Variants in ASB3 observed in about 807,000 individuals in gnomAD.
The protein encoded by ASB3 is ankyrin repeat and SOCS box containing 3.
Under a neutral mutation model 54.5 loss-of-function variants are expected in ASB3, and 41 were observed. The observed-to-expected ratio is 0.75, with a 90% CI of 0.59 to 0.98. ASB3 has a LOEUF of 0.98. ASB3 is among the 50% of genes least tolerant of loss of function. ASB3 has a pLI of 0.00. For missense variants in ASB3, 733 were observed against 620.0 expected (o/e 1.18, Z -1.94); for synonymous variants, 266 against 221.2 (o/e 1.20, Z -1.80).
intron 5 of ASB3, among the ~76,000 whole-genome samples, chr2:53,717,503 A>G (rs911727484): frequency 6.6e-6 from 1 of 152,184 alleles, no homozygotes; most frequent in Non-Finnish European, 1.5e-5. Flanking sequence ...AAAGGGAAAA[A>G]CAATAATATT....
In ASB3 at chr2:53,774,240, A is replaced by G. The variant is rs138719259; in HGVS notation, c.-13-8655T>C. ...GAGAAAAAGGAGGCTACAGAACCAC[A>G]ACAGTCATTTTTTATCCAAAAGATC... is the stretch of plus-strand genomic sequence containing the variant. On this transcript the variant is annotated intron_variant, in intron 1 of 9. Transcript: ENST00000263634. 4 of 1,614,040 alleles carry G rather than the reference A, an allele frequency of 2.5e-6. No homozygotes were observed. The African/African-American group carries it at 5.3e-5, about 22-fold the overall frequency.
In ASB3 at chr2:53,679,285, T is replaced by C. The variant is rs367916788; in HGVS notation, c.1370-8595A>G. On this transcript the variant is annotated intron_variant, in intron 9 of 9. Coordinates refer to ENST00000263634, the MANE Select transcript of ASB3 (RefSeq NM_016115.5). ...CCTGCAGGGTTTTGCTCTGCAAATCTTTCAATGGTTCTCAATTGGTTTCCC... is the reference window on the plus strand; with the variant it reads ...CCTGCAGGGTTTTGCTCTGCAAATCCTTCAATGGTTCTCAATTGGTTTCCC... Among the ~76,000 whole-genome samples the C allele has an allele frequency of 4.6e-5, 7 of 152,330 alleles. No individual in the cohort carries two copies. The East Asian group carries it at 9.6e-4, about 21-fold the overall frequency.
intron 1 of ASB3, chr2:53,774,491 G>C: frequency 6.4e-7 from 1 of 1,569,130 alleles, no homozygotes. Context: ...GTAAAGGAAC[G>C]TTTAGAAGGG....
At chr2:53,697,009 G>T (rs985605927) in intron 8 of ASB3, among the ~76,000 whole-genome samples, 6 of 152,310 alleles carry the variant, frequency 3.9e-5, no homozygotes, top group African/African-American at 1.4e-4. Flanking sequence ...GTCACAGGAT[G>T]AGACAGGAGG....
intron 7 of ASB3, among the ~76,000 whole-genome samples, chr2:53,711,657 C>T (rs1670103922): frequency 6.6e-6 from 1 of 152,028 alleles, no homozygotes; most frequent in Non-Finnish European, 1.5e-5. Context: ...GCCTACAATC[C>T]CAGCTACTTG....
chr2:53,699,279 A>T (rs550692545), intron 8 of ASB3, among the ~76,000 whole-genome samples: 58 of 152,346 alleles, frequency 3.8e-4, no homozygotes, highest in African/African-American at 1.3e-3. Context: ...TCCAAATATC[A>T]TCAACAAATG....
intron 2 of ASB3, among the ~76,000 whole-genome samples, chr2:53,753,722 C>A (rs1389618303): frequency 4.6e-5 from 7 of 151,706 alleles, no homozygotes; most frequent in Admixed American, 1.3e-4. Context: ...CTGCAACCTC[C>A]ACCTCCCAGG....
In ASB3 at chr2:53,765,548, C is replaced by T; in HGVS notation, c.25G>A (p.Asp9Asn). 1 of 1,614,186 alleles carries T rather than the reference C, an allele frequency of 6.2e-7. No individual in the cohort carries two copies. The highest frequency in any genetic ancestry group is 8.5e-7 in the Non-Finnish European group (1 of 1,180,032). The stretch of plus-strand genomic sequence containing the variant: ...GCAAGTCCAACTGTAGAGCACGTGT[C>T]CGCGTAAGCCTCTGTAAAATCCATT... MDFTEAYA[D>N]TCSTVGLAAR... Residue 9 changes from aspartate (D) to asparagine (N), a missense_variant, in exon 2 of 10, where the codon GAC becomes AAC. By Grantham distance (23) the Asp-to-Asn change is conservative (BLOSUM62 1). Transcript: ENST00000263634.
At chr2:53,731,858 G>C (rs1264005686) in intron 3 of ASB3, among the ~76,000 whole-genome samples, 1 of 152,136 alleles carries the variant, frequency 6.6e-6, no homozygotes, top group Non-Finnish European at 1.5e-5. Flanking sequence ...TCACCATGTT[G>C]GCCAGGGTGG....
intron 7 of ASB3, among the ~76,000 whole-genome samples, chr2:53,713,789 T>A (rs1045608718): frequency 1.3e-5 from 2 of 152,002 alleles, no homozygotes; most frequent in Non-Finnish European, 1.5e-5. Flanking sequence ...GGTGTACACC[T>A]GTAGACCCAG....
chr2:53,698,949 C>CA (rs1669333072), intron 8 of ASB3, among the ~76,000 whole-genome samples: 1 of 152,216 alleles, frequency 6.6e-6, no homozygotes, highest in Non-Finnish European at 1.5e-5. Flanking sequence ...TCGTTATGAG[C>CA]AACAGCCCCA....
chr2:53,728,158 T>C (rs1671112705), intron 5 of ASB3, among the ~76,000 whole-genome samples: 1 of 152,136 alleles, frequency 6.6e-6, no homozygotes, highest in Admixed American at 6.5e-5. Context: ...ACATTTCTGG[T>C]CACAAAATTG....
chr2:53,670,394 C>A lies in ASB3; in HGVS notation c.*109G>T. 8.6e-7 allele frequency: 1 copy of A among 1,156,944 alleles called. No individual in the cohort carries two copies. Among genetic ancestry groups the A allele is most frequent in the Non-Finnish European group, 1.1e-6 (1 of 884,004 alleles). 71.7% of individuals were successfully genotyped at this position (1,156,944 alleles called of 1,614,324 possible). A position where few individuals can be genotyped will look rare whatever the true frequency, so the allele number is the denominator to read the frequency against. On this transcript the variant is annotated 3_prime_UTR_variant, in exon 10 of 10. Transcript: ENST00000263634. ...CCCAAAACCTAACCTATCTCACAATCAATAATCATCTTTTGACTATAAAAT... is the reference window on the plus strand; with the variant it reads ...CCCAAAACCTAACCTATCTCACAATAAATAATCATCTTTTGACTATAAAAT...
chr2:53,714,443 G>A lies in ASB3; in HGVS notation c.921C>T (p.Asp307=), dbSNP rs199537780. 3.0e-5 allele frequency: 49 copies of A among 1,614,242 alleles called. No homozygotes were observed. Among genetic ancestry groups the A allele is most frequent in the Middle Eastern group, 1.6e-4 (1 of 6,062 alleles). Residue 307 remains aspartate, a synonymous_variant, in exon 7 of 10, where the codon GAC becomes GAT. Coordinates refer to ENST00000263634, the MANE Select transcript of ASB3 (RefSeq NM_016115.5). The part of the protein sequence containing the change: ...EILLRNGYSP[D]AQACLVFGFS... Reference sequence around the variant, plus strand: ...ATCCAAAAACAAGGCACGCCTGGGCGTCTGGGCTGTAGCCATTCCGGAGTA... The same window carrying A: ...ATCCAAAAACAAGGCACGCCTGGGCATCTGGGCTGTAGCCATTCCGGAGTA...
At chr2:53,683,497 G>A (rs1459790059) in intron 9 of ASB3, among the ~76,000 whole-genome samples, 2 of 152,010 alleles carry the variant, frequency 1.3e-5, no homozygotes, top group African/African-American at 2.4e-5. Flanking sequence ...GCCTCATACA[G>A]TACATTTGGA....
chr2:53,694,826 T>A (rs1033891985), intron 8 of ASB3, among the ~76,000 whole-genome samples: 2 of 152,166 alleles, frequency 1.3e-5, no homozygotes, highest in African/African-American at 4.8e-5. Context: ...GGGAACTATA[T>A]GTGAAAATAA....
At chr2:53,731,406 C>CA (rs1671303997) in intron 3 of ASB3, among the ~76,000 whole-genome samples, 1 of 140,226 alleles carries the variant, frequency 7.1e-6, no homozygotes, top group African/African-American at 2.8e-5. Context: ...GACTCCATCT[C>CA]AAAAAACAAA....
At chr2:53,763,946 T>TA (rs1330061905) in intron 2 of ASB3, among the ~76,000 whole-genome samples, 2 of 152,190 alleles carry the variant, frequency 1.3e-5, no homozygotes, top group Admixed American at 1.3e-4. Flanking sequence ...CATGTGATTT[T>TA]AAAAACAATC....
chr2:53,722,483 C>G (rs1287206078), intron 5 of ASB3, among the ~76,000 whole-genome samples: 1 of 152,146 alleles, frequency 6.6e-6, no homozygotes, highest in African/African-American at 2.4e-5. Flanking sequence ...GCATCATGAT[C>G]AAGTAGGCTT....
Sources: allele counts gnomAD v4.1 joint callset (sites outside exome capture counted in the v4.1 genomes callset), GRCh38; gene constraint gnomAD v4.1.1; transcripts MANE v1.5; gene names NCBI Gene and HGNC (gene_info 2026-07-23, HGNC 2026-07-21).